CLPB: variants seen among roughly 807,000 people sequenced by gnomAD.
CLPB encodes mitochondrial disaggregase.
In CLPB, 40 loss-of-function variants were observed where a neutral mutation model predicts 78.4. The observed-to-expected ratio is 0.51, with a 90% CI of 0.40 to 0.66. CLPB has a LOEUF of 0.66. Ranked by LOEUF, CLPB falls within the 30% of genes least tolerant of loss-of-function variation. CLPB has a pLI of 0.00. For missense variants in CLPB, 780 were observed against 886.9 expected (o/e 0.88, Z 1.53); for synonymous variants, 333 against 348.0 (o/e 0.96, Z 0.48).
intron 3 of CLPB, among the ~76,000 whole-genome samples, chr11:72,385,849 T>C (rs1373797954): frequency 3.3e-5 from 5 of 152,122 alleles, no homozygotes; most frequent in Admixed American, 2.0e-4. Flanking sequence ...AAAACCCACA[T>C]TGTTTTAAAT....
intron 6 of CLPB, among the ~76,000 whole-genome samples, chr11:72,328,443 C>CT (rs1950166980): frequency 6.6e-6 from 1 of 152,168 alleles, no homozygotes; most frequent in Non-Finnish European, 1.5e-5. Flanking sequence ...CCATTTAGTA[C>CT]AATGTTTTCA....
chr11:72,349,408 C>T (rs564487098), intron 5 of CLPB, among the ~76,000 whole-genome samples: 1 of 152,312 alleles, frequency 6.6e-6, no homozygotes, highest in South Asian at 2.1e-4. Context: ...AGTCTGTGGT[C>T]CAAACCTATA....
chr11:72,354,652 T>A, intron 5 of CLPB: 1 of 295,552 alleles, frequency 3.4e-6, no homozygotes, highest in Non-Finnish European at 6.2e-6. Context: ...AGAGCCTTCC[T>A]GCTGATAAGC....
intron 4 of CLPB, among the ~76,000 whole-genome samples, chr11:72,376,640 GTTA>G (rs998681014): frequency 8.3e-6 from 1 of 120,368 alleles, no homozygotes; most frequent in East Asian, 2.6e-4. Context: ...CTTCTAGGAC[GTTA>G]TTATTATTAT....
intron 2 of CLPB, among the ~76,000 whole-genome samples, chr11:72,413,862 G>C (rs1203659236): frequency 2.0e-5 from 3 of 152,170 alleles, no homozygotes; most frequent in Non-Finnish European, 4.4e-5. Flanking sequence ...CCTGAGGACT[G>C]GTTATTACAG....
In CLPB at chr11:72,294,319, T is replaced by G. The variant is rs1949509457; in HGVS notation, c.1680+6A>C. 1 of 1,614,150 alleles carries G rather than the reference T, an allele frequency of 6.2e-7. No homozygotes were observed. The highest frequency in any genetic ancestry group is 8.5e-7 in the Non-Finnish European group (1 of 1,179,972). On this transcript the variant is annotated splice_donor_region_variant and intron_variant, in intron 14 of 15. Coordinates refer to ENST00000538039, the MANE Select transcript of CLPB (RefSeq NM_001258392.3). ...CCGCCCCCACCCATGGGCAGTTCCC[T>G]CTTACTCTCTTGGCCCAGAAGTTTA...
chr11:72,393,791 T>C (rs1215639008), intron 3 of CLPB, among the ~76,000 whole-genome samples: 1 of 152,236 alleles, frequency 6.6e-6, no homozygotes, highest in Non-Finnish European at 1.5e-5. Flanking sequence ...CGTTGGGTTT[T>C]ACAGTTGGTT....
chr11:72,353,953 A>G (rs1171032291), intron 5 of CLPB, among the ~76,000 whole-genome samples: 2 of 152,164 alleles, frequency 1.3e-5, no homozygotes, highest in Non-Finnish European at 2.9e-5. Flanking sequence ...ACGAGTGAGC[A>G]CTGAGTGTTT....
intron 4 of CLPB, among the ~76,000 whole-genome samples, chr11:72,372,398 T>C (rs1218350229): frequency 6.6e-6 from 1 of 152,180 alleles, no homozygotes; most frequent in Non-Finnish European, 1.5e-5. Flanking sequence ...CTCTGGCAGG[T>C]ATAGAAAATT....
intron 3 of CLPB, 106 bp downstream of exon 3, chr11:72,402,860 G>A (rs963930237): frequency 1.2e-6 from 1 of 836,176 alleles, no homozygotes; most frequent in Non-Finnish European, 2.0e-6. Context: ...CTATCTTCCT[G>A]CCTCTGGAAA....
chr11:72,394,672 T>C lies in CLPB; in HGVS notation c.542+8294A>G, dbSNP rs369510515. On this transcript the variant is annotated intron_variant, in intron 3 of 15. Transcript: ENST00000538039. ...GGAATATCATTACCACAAAACAGGATTATCTTGAGCAACGATTCCAAATGG... is the reference window on the plus strand; with the variant it reads ...GGAATATCATTACCACAAAACAGGACTATCTTGAGCAACGATTCCAAATGG... 3.0e-4 allele frequency among the ~76,000 whole-genome samples: 45 copies of C among 152,226 alleles called. No individual in the cohort carries two copies. In the East Asian group the frequency reaches 4.3e-3, roughly 14 times the overall value.
At chr11:72,405,536 C>G (rs1161543483) in intron 2 of CLPB, among the ~76,000 whole-genome samples, 1 of 152,144 alleles carries the variant, frequency 6.6e-6, no homozygotes, top group East Asian at 1.9e-4. Context: ...TTGACAGATT[C>G]CTGGCATGCA....
intron 15 of CLPB, 140 bp from the exon 16 acceptor site, chr11:72,293,755 A>G (rs1356229150): frequency 3.7e-6 from 4 of 1,087,800 alleles, no homozygotes; most frequent in Admixed American, 5.6e-5. Flanking sequence ...ATTGGGGCTA[A>G]TAACAGCTAG....
intron 2 of CLPB, among the ~76,000 whole-genome samples, chr11:72,414,316 G>C (rs1855959133): frequency 6.6e-6 from 1 of 152,182 alleles, no homozygotes; most frequent in East Asian, 1.9e-4. Flanking sequence ...GCCTGTGCAG[G>C]ACCTGAGGTG....
At chr11:72,330,436 T>C (rs1279848779) in intron 5 of CLPB, among the ~76,000 whole-genome samples, 1 of 152,210 alleles carries the variant, frequency 6.6e-6, no homozygotes, top group Non-Finnish European at 1.5e-5. Context: ...GACAAAGACT[T>C]TGAGTATGAC....
intron 2 of CLPB, among the ~76,000 whole-genome samples, chr11:72,406,314 C>T (rs895198653): frequency 3.9e-5 from 6 of 152,128 alleles, no homozygotes; most frequent in Non-Finnish European, 8.8e-5. Flanking sequence ...GTGGAAGCAG[C>T]GTTGCTCTAG....
intron 9 of CLPB, among the ~76,000 whole-genome samples, chr11:72,306,574 A>G (rs1212644316): frequency 1.3e-5 from 2 of 152,152 alleles, no homozygotes; most frequent in African/African-American, 4.8e-5. Context: ...GTGAACAAAC[A>G]GGGGATGGGG....
At chr11:72,342,632 A>G (rs980994428) in intron 5 of CLPB, among the ~76,000 whole-genome samples, 1 of 152,106 alleles carries the variant, frequency 6.6e-6, no homozygotes, top group Non-Finnish European at 1.5e-5. Context: ...GTGGGGAGGG[A>G]AAGGCTCTGG....
At chr11:72,330,492 A>C (rs1565442349) in intron 5 of CLPB, among the ~76,000 whole-genome samples, 1 of 152,236 alleles carries the variant, frequency 6.6e-6, no homozygotes, top group Non-Finnish European at 1.5e-5. Flanking sequence ...CTTCTCTCTA[A>C]GTACTGGCAG....
Sources: gnomAD v4.1 joint callset for allele counts (sites outside exome capture counted in the v4.1 genomes callset) on GRCh38, gnomAD v4.1.1 for gene constraint, MANE v1.5 for transcripts, NCBI Gene and HGNC (gene_info 2026-07-23, HGNC 2026-07-21) for gene names.